CCDC174: variants seen among roughly 807,000 people sequenced by gnomAD.
The protein encoded by CCDC174 is coiled-coil domain-containing protein 174.
A neutral mutation model predicts 57.1 loss-of-function variants in CCDC174; 37 were observed. The ratio of observed to expected loss-of-function variants is 0.65; its 90% CI spans 0.50 to 0.85. The LOEUF (loss-of-function observed/expected upper bound fraction) is 0.85, where lower values mean the gene tolerates loss of function less well. Among genes scored for constraint, CCDC174 ranks in the 40% least tolerant of loss-of-function variants. The probability of loss-of-function intolerance (pLI) is 0.00; values close to 1 mark genes in which losing one functional copy is unlikely to be tolerated. For synonymous variants in CCDC174, 182 were observed against 190.2 expected (o/e 0.96, Z 0.35); for missense variants, 540 against 574.3 (o/e 0.94, Z 0.61).
chr3:14,661,248 CTG>C (rs1160121318), intron 4 of CCDC174, among the ~76,000 whole-genome samples: 1 of 152,210 alleles, frequency 6.6e-6, no homozygotes, highest in Non-Finnish European at 1.5e-5. Context: ...TAAAATCAGA[CTG>C]TTGTGTTATC....
intron 1 of CCDC174, among the ~76,000 whole-genome samples, chr3:14,654,096 C>T (rs17040011): frequency 0.049 from 7,440 of 152,208 alleles, 452 homozygotes; most frequent in African/African-American, 0.15. Context: ...AGAGAAGGTG[C>T]TTAATAATGC....
chr3:14,670,094 A>G lies in CCDC174; in HGVS notation c.1105+8A>G. The stretch of plus-strand genomic sequence containing the variant: ...AGTGGGACCGCGGAAAAGGTAAGGG[A>G]GGTGGGCTCTGAGGTGTAAGAACTC... On this transcript the variant is annotated splice_region_variant and intron_variant, in intron 10 of 10. Coordinates refer to ENST00000383794, the MANE Select transcript of CCDC174 (RefSeq NM_016474.5). 6.2e-7 allele frequency: 1 copy of G among 1,603,816 alleles called. No homozygotes were observed. The highest frequency in any genetic ancestry group is 8.5e-7 in the Non-Finnish European group (1 of 1,177,266).
chr3:14,665,756 C>T (rs1033123724), intron 6 of CCDC174, among the ~76,000 whole-genome samples: 2 of 152,044 alleles, frequency 1.3e-5, no homozygotes, highest in South Asian at 2.1e-4. Flanking sequence ...GGAGGCTGGG[C>T]GCGGTGGCTC....
intron 1 of CCDC174, among the ~76,000 whole-genome samples, chr3:14,653,228 T>C (rs2030836756): frequency 6.6e-6 from 1 of 152,226 alleles, no homozygotes; most frequent in Non-Finnish European, 1.5e-5. Context: ...GTAATAAGAA[T>C]GCTATTTGAG....
rs558289751 is a variant in CCDC174, at chr3:14,672,049, G to A, written c.*855G>A. 1 of 152,478 alleles carries A rather than the reference G, an allele frequency of 6.6e-6. No homozygotes were observed. The highest frequency in any genetic ancestry group is 1.9e-4 in the East Asian group (1 of 5,188). 9.4% of individuals were successfully genotyped at this position (152,478 alleles called of 1,614,324 possible). A position where few individuals can be genotyped will look rare whatever the true frequency, so the allele number is the denominator to read the frequency against. The stretch of plus-strand genomic sequence containing the variant: ...ATTAGTAATAAGGAGAGGGTTGGGG[G>A]TGGGCAGGGCTCCAGAAAGTCAGCA... On this transcript the variant is annotated 3_prime_UTR_variant, in exon 11 of 11. Transcript: ENST00000383794.
At chr3:14,670,137 G>C (rs758526278) in intron 10 of CCDC174, 51 bp downstream of exon 10, 8 of 1,557,936 alleles carry the variant, frequency 5.1e-6, no homozygotes, top group South Asian at 2.4e-5. Context: ...AATGGAAAAT[G>C]GTTTTTTTTC....
At position 14,666,180 on chromosome 3, in the gene CCDC174, C is replaced by T. The variant is rs145045306; in HGVS notation, c.582-625C>T. On this transcript the variant is annotated intron_variant, in intron 6 of 10. Transcript: ENST00000383794. ...TCATGTCCCCAGATGAGAGACCATC[C>T]ACAGGAGGAGACCCAGAGTTCCTCC... 1.9e-3 allele frequency among the ~76,000 whole-genome samples: 285 copies of T among 152,270 alleles called. 2 individuals are homozygous for T. The highest frequency in any genetic ancestry group is 3.0e-3 in the Non-Finnish European group (202 of 68,020).
chr3:14,652,092 G>A (rs2030789092), intron 1 of CCDC174, among the ~76,000 whole-genome samples: 1 of 152,006 alleles, frequency 6.6e-6, no homozygotes, highest in South Asian at 2.1e-4. Flanking sequence ...TCTGACATGC[G>A]CCCGGGCCAG....
rs1325481140 is a variant in CCDC174, at chr3:14,670,891, A to G, written c.1106-5A>G. 1 of 1,585,444 alleles carries G rather than the reference A, an allele frequency of 6.3e-7. No homozygotes were observed. Among genetic ancestry groups the G allele is most frequent in the African/African-American group, 1.4e-5 (1 of 73,772 alleles). ...TCTAATAACTTTCTTTCTTATTTTT[A>G]CCAGAATTTTCCTTTGGATACTGGT... On this transcript the variant is annotated splice_region_variant and splice_polypyrimidine_tract_variant and intron_variant, in intron 10 of 10. Coordinates refer to ENST00000383794, the MANE Select transcript of CCDC174 (RefSeq NM_016474.5).
intron 3 of CCDC174, 145 bp downstream of exon 3, chr3:14,655,774 A>G: frequency 2.2e-6 from 1 of 465,100 alleles, no homozygotes; most frequent in Non-Finnish European, 3.9e-6. Flanking sequence ...TAAAAATAAT[A>G]TAATTTGCAG....
chr3:14,653,494 A>AT (rs1389773158), intron 1 of CCDC174, among the ~76,000 whole-genome samples: 2 of 152,186 alleles, frequency 1.3e-5, no homozygotes, highest in African/African-American at 2.4e-5. Flanking sequence ...AAATAAAGTG[A>AT]TTTTTTTAAG....
chr3:14,668,711 T>C (rs112952804), intron 9 of CCDC174, among the ~76,000 whole-genome samples: 131 of 152,178 alleles, frequency 8.6e-4, no homozygotes, highest in African/African-American at 2.9e-3. Flanking sequence ...ATTGCATGAG[T>C]TGTGGTAGTA....
chr3:14,666,621 C>G (rs62232659), intron 6 of CCDC174, among the ~76,000 whole-genome samples, 184 bp from the exon 7 acceptor site: 1 of 150,214 alleles, frequency 6.7e-6, no homozygotes. Flanking sequence ...AGACTAGTCT[C>G]CAAAAAAAAA....
chr3:14,653,465 C>G (rs1163975880), intron 1 of CCDC174, among the ~76,000 whole-genome samples: 4 of 152,164 alleles, frequency 2.6e-5, no homozygotes, highest in African/African-American at 9.7e-5. Context: ...TGAACCCAGC[C>G]ATTTTTATCT....
chr3:14,655,386 C>A (rs954739936), intron 2 of CCDC174, 143 bp from the exon 3 acceptor site: 5 of 483,374 alleles, frequency 1.0e-5, no homozygotes, highest in Admixed American at 3.9e-5. Flanking sequence ...TAGTCAGTAT[C>A]TTTGTAGGAC....
At chr3:14,659,319 G>C (rs2031054642) in intron 4 of CCDC174, among the ~76,000 whole-genome samples, 1 of 152,190 alleles carries the variant, frequency 6.6e-6, no homozygotes, top group African/African-American at 2.4e-5. Context: ...GGTTCTGTTA[G>C]GTGCTAGAGT....
intron 6 of CCDC174, among the ~76,000 whole-genome samples, 170 bp downstream of exon 6, chr3:14,665,293 C>G (rs1261178838): frequency 6.6e-6 from 1 of 152,210 alleles, no homozygotes; most frequent in Admixed American, 6.5e-5. Context: ...CATGCACATA[C>G]ACACATAATC....
At chr3:14,667,004 A>G (rs1222482980) in intron 7 of CCDC174, 57 bp downstream of exon 7, 1 of 1,418,684 alleles carries the variant, frequency 7.0e-7, no homozygotes, top group Non-Finnish European at 9.6e-7. Flanking sequence ...AACTGATGGC[A>G]AACATAAAGG....
At chr3:14,666,459 C>A (rs1319242544) in intron 6 of CCDC174, among the ~76,000 whole-genome samples, 1 of 151,980 alleles carries the variant, frequency 6.6e-6, no homozygotes, top group Non-Finnish European at 1.5e-5. Flanking sequence ...CCTGTCTCTA[C>A]TAAAAATACA....
Sources: allele counts gnomAD v4.1 joint callset (sites outside exome capture counted in the v4.1 genomes callset), GRCh38; gene constraint gnomAD v4.1.1; transcripts MANE v1.5; gene names NCBI Gene and HGNC (gene_info 2026-07-23, HGNC 2026-07-21).